Variants in SLC24A3 observed in about 807,000 individuals in gnomAD.
SLC24A3 encodes sodium/potassium/calcium exchanger 3.
In SLC24A3, 28 loss-of-function variants were observed where a neutral mutation model predicts 75.8. The ratio of observed to expected loss-of-function variants is 0.37; its 90% confidence interval spans 0.27 to 0.51. The LOEUF (loss-of-function observed/expected upper bound fraction) is 0.51, where lower values mean the gene tolerates loss of function less well. Ranked by LOEUF, SLC24A3 falls within the 20% of genes least tolerant of loss-of-function variation. SLC24A3 has a pLI of 0.94. For missense variants in SLC24A3, 663 were observed against 847.8 expected (o/e 0.78, Z 2.71); for synonymous variants, 372 against 334.1 (o/e 1.11, Z -1.24).
chr20:19,521,947 G>A (rs1568643312), intron 3 of SLC24A3, among the ~76,000 whole-genome samples: 1 of 151,892 alleles, frequency 6.6e-6, no homozygotes, highest in Non-Finnish European at 1.5e-5. Context: ...GTCTTTCAAG[G>A]ATGTCTTTTC....
intron 2 of SLC24A3, among the ~76,000 whole-genome samples, chr20:19,372,593 C>T (rs1054349040): frequency 5.9e-5 from 9 of 152,154 alleles, no homozygotes; most frequent in Admixed American, 5.2e-4. Context: ...GAAAAAGGAA[C>T]AAATCAACAA....
chr20:19,586,077 C>A (rs1283935280), intron 6 of SLC24A3, among the ~76,000 whole-genome samples: 2 of 152,114 alleles, frequency 1.3e-5, no homozygotes, highest in African/African-American at 2.4e-5. Context: ...AGCAAGCCTG[C>A]AGTTTACCTA....
At chr20:19,251,123 G>A (rs999742081) in intron 1 of SLC24A3, among the ~76,000 whole-genome samples, 1 of 152,186 alleles carries the variant, frequency 6.6e-6, no homozygotes, top group African/African-American at 2.4e-5. Context: ...TCATGCAGCT[G>A]CCCATGAACG....
chr20:19,545,298 G>A (rs927235831), intron 3 of SLC24A3, among the ~76,000 whole-genome samples: 4 of 152,316 alleles, frequency 2.6e-5, no homozygotes, highest in African/African-American at 7.2e-5. Context: ...AACGCAGGTC[G>A]GGAGGAGAGG....
chr20:19,441,310 C>G (rs1987296012), intron 2 of SLC24A3, among the ~76,000 whole-genome samples: 1 of 152,096 alleles, frequency 6.6e-6, no homozygotes, highest in Admixed American at 6.5e-5. Context: ...CACCTCATAG[C>G]CACACACAGG....
intron 2 of SLC24A3, among the ~76,000 whole-genome samples, chr20:19,463,975 A>T (rs1228530967): frequency 1.3e-5 from 2 of 152,250 alleles, no homozygotes; most frequent in African/African-American, 4.8e-5. Flanking sequence ...AAGGCCTTTC[A>T]TACAGAGCAG....
chr20:19,235,439 C>A (rs773175258), intron 1 of SLC24A3, among the ~76,000 whole-genome samples: 9 of 152,126 alleles, frequency 5.9e-5, no homozygotes, highest in Non-Finnish European at 1.2e-4. Flanking sequence ...CATGGACTTA[C>A]CTCCTACACT....
chr20:19,637,985 C>G (rs1024337195), intron 6 of SLC24A3, among the ~76,000 whole-genome samples: 2 of 152,024 alleles, frequency 1.3e-5, no homozygotes, highest in African/African-American at 4.8e-5. Flanking sequence ...TTTACATGTG[C>G]AGAACGTGCA....
At chr20:19,475,800 C>A (rs979788235) in intron 2 of SLC24A3, among the ~76,000 whole-genome samples, 5 of 151,908 alleles carry the variant, frequency 3.3e-5, no homozygotes, top group African/African-American at 1.2e-4. Context: ...TTAGATTTAC[C>A]TAAAGACCTG....
intron 2 of SLC24A3, among the ~76,000 whole-genome samples, chr20:19,323,174 C>G (rs1984754029): frequency 6.9e-6 from 1 of 144,258 alleles, no homozygotes; most frequent in Non-Finnish European, 1.5e-5. Context: ...CCACTGCACT[C>G]CAGCCTGGGC....
intron 1 of SLC24A3, among the ~76,000 whole-genome samples, chr20:19,262,404 C>CA (rs58691860): frequency 0.016 from 1,191 of 75,376 alleles, 21 homozygotes; most frequent in African/African-American, 0.034. Context: ...GACTCCGTCT[C>CA]AAAAAAAAAA....
At chr20:19,296,268 C>CTTTTTTTT (rs35229035) in intron 2 of SLC24A3, among the ~76,000 whole-genome samples, 6 of 72,308 alleles carry the variant, frequency 8.3e-5, no homozygotes, top group African/African-American at 1.1e-4. Context: ...AGCTAGTGGT[C>CTTTTTTTT]TTTTTTTTTT....
intron 2 of SLC24A3, among the ~76,000 whole-genome samples, chr20:19,333,395 T>C (rs1431338303): frequency 6.6e-6 from 1 of 152,104 alleles, no homozygotes; most frequent in African/African-American, 2.4e-5. Flanking sequence ...TGGTGGGAGC[T>C]TCAGTGGCCC....
chr20:19,271,935 T>C (rs1050422326), intron 1 of SLC24A3, among the ~76,000 whole-genome samples: 1 of 152,164 alleles, frequency 6.6e-6, no homozygotes, highest in African/African-American at 2.4e-5. Flanking sequence ...AAAAATCTTA[T>C]CCATGTAACC....
At chr20:19,311,905 CTG>C (rs1200315413) in intron 2 of SLC24A3, among the ~76,000 whole-genome samples, 2 of 152,086 alleles carry the variant, frequency 1.3e-5, no homozygotes, top group Non-Finnish European at 2.9e-5. Context: ...GCTGCCGGTG[CTG>C]TGTGTGTAGC....
At chr20:19,372,306 G>A (rs1986006614) in intron 2 of SLC24A3, among the ~76,000 whole-genome samples, 1 of 152,180 alleles carries the variant, frequency 6.6e-6, no homozygotes, top group African/African-American at 2.4e-5. Flanking sequence ...TGAATATAAA[G>A]AGACCATAAA....
At chr20:19,481,803 G>A (rs1428118738) in intron 2 of SLC24A3, among the ~76,000 whole-genome samples, 5 of 152,126 alleles carry the variant, frequency 3.3e-5, no homozygotes, top group African/African-American at 1.2e-4. Context: ...TATGGAGTGA[G>A]TGCAAGGATT....
chr20:19,437,079 G>T (rs962453353), intron 2 of SLC24A3, among the ~76,000 whole-genome samples: 3 of 152,234 alleles, frequency 2.0e-5, no homozygotes, highest in African/African-American at 4.8e-5. Context: ...CAGTGAAATG[G>T]CCTTGTGGGG....
intron 15 of SLC24A3, among the ~76,000 whole-genome samples, chr20:19,700,528 A>G (rs2032858349): frequency 1.3e-5 from 2 of 152,204 alleles, no homozygotes; most frequent in African/African-American, 2.4e-5. Flanking sequence ...TGAAATTCAT[A>G]TAGCCACATG....
Sources: gnomAD v4.1 joint callset for allele counts (sites outside exome capture counted in the v4.1 genomes callset) on GRCh38, gnomAD v4.1.1 for gene constraint, MANE v1.5 for transcripts, NCBI Gene and HGNC (gene_info 2026-07-23, HGNC 2026-07-21) for gene names.